The following FIGN variants were observed in gnomAD, a reference collection of about 807,000 sequenced individuals.
The protein encoded by FIGN is fidgetin.
In FIGN, 11 loss-of-function variants were observed where a neutral mutation model predicts 51.3. The ratio of observed to expected loss-of-function variants is 0.21; its 90% confidence interval spans 0.13 to 0.35. The LOEUF (loss-of-function observed/expected upper bound fraction) is 0.35. Ranked by LOEUF, FIGN falls within the 10% of genes least tolerant of loss-of-function variation. FIGN has a pLI of 1.00. For synonymous variants in FIGN, 407 were observed against 363.2 expected, an observed-to-expected ratio of 1.12 and a Z score of -1.37; for missense variants, 857 against 943.6, an observed-to-expected ratio of 0.91 and a Z score of 1.20.
intron 2 of FIGN, among the ~76,000 whole-genome samples, chr2:163,666,628 G>A (rs1454671845): frequency 6.6e-6 from 1 of 152,160 alleles, no homozygotes; most frequent in Non-Finnish European, 1.5e-5. Flanking sequence ...CTCCTTTTAA[G>A]ACCTAGAATT....
At chr2:163,620,425 T>C (rs1465832037) in intron 2 of FIGN, among the ~76,000 whole-genome samples, 3 of 152,162 alleles carry the variant, frequency 2.0e-5, no homozygotes, top group Admixed American at 6.6e-5. Context: ...AACAGAGCAC[T>C]ACCCTTGTTC....
In FIGN at chr2:163,610,354, A is replaced by G. The variant is rs1691213369; in HGVS notation, c.1478T>C (p.Leu493Pro). The G allele has an allele frequency of 1.2e-6, 2 of 1,614,152 alleles. No individual in the cohort carries two copies. Among genetic ancestry groups the G allele is most frequent in the Non-Finnish European group, 1.7e-6 (2 of 1,180,014 alleles). Residue 493 changes from leucine to proline, a missense_variant, in exon 3 of 3, where the codon CTG (leucine) becomes CCG (proline). This residue lies in a region of FIGN where 799 missense variants were observed against 849.5 expected (regional missense o/e 0.94). Coordinates refer to ENST00000333129, the MANE Select transcript of FIGN (RefSeq NM_018086.4). Reference sequence around the variant, plus strand: ...CTCCTCTTTAATGACAGCCTTCACCAGGTCGAGACCAGCAATGTCATTCCA... The same window carrying G: ...CTCCTCTTTAATGACAGCCTTCACCGGGTCGAGACCAGCAATGTCATTCCA... ...VDWNDIAGLD[L>P]VKAVIKEEVL...
At chr2:163,727,317 A>T (rs1684852981) in intron 2 of FIGN, among the ~76,000 whole-genome samples, 1 of 152,030 alleles carries the variant, frequency 6.6e-6, no homozygotes, top group East Asian at 1.9e-4. Flanking sequence ...TAGAACACAG[A>T]ACATTAGAAA....
At chr2:163,625,035 AGAGCTG>A (rs1265917076) in intron 2 of FIGN, among the ~76,000 whole-genome samples, 1 of 152,084 alleles carries the variant, frequency 6.6e-6, no homozygotes, top group Admixed American at 6.6e-5. Context: ...ATCTTCTATT[AGAGCTG>A]GATTATATTC....
chr2:163,680,457 T>C (rs1037405961), intron 2 of FIGN, among the ~76,000 whole-genome samples: 11 of 152,164 alleles, frequency 7.2e-5, no homozygotes, highest in African/African-American at 2.2e-4. Flanking sequence ...CAATTCTCTG[T>C]AGCAGTAGGT....
Position 163,663,082 on chromosome 2 carries a change from A to AT in FIGN, c.26-51277dup, listed in dbSNP as rs201219752. ...TGTTGGCCAGGCTGTTCACTGGCTAATTTTTTTTGGTATTTTTTGGTAGAG... is the reference window on the plus strand; with the variant it reads ...TGTTGGCCAGGCTGTTCACTGGCTAATTTTTTTTTGGTATTTTTTGGTAGAG... On this transcript the variant is annotated intron_variant, in intron 2 of 2. Transcript: ENST00000333129. Among the ~76,000 whole-genome samples the AT allele has an allele frequency of 6.0e-3, 904 of 151,884 alleles. 12 individuals carry two copies. The highest frequency in any genetic ancestry group is 0.02 in the African/African-American group (833 of 41,434).
intron 2 of FIGN, among the ~76,000 whole-genome samples, chr2:163,682,747 C>T (rs983908516): frequency 6.6e-6 from 1 of 152,148 alleles, no homozygotes; most frequent in Non-Finnish European, 1.5e-5. Context: ...AGTGTTCATT[C>T]AACAAATATT....
chr2:163,619,230 G>A (rs927591722), intron 2 of FIGN, among the ~76,000 whole-genome samples: 3 of 152,078 alleles, frequency 2.0e-5, no homozygotes, highest in African/African-American at 4.8e-5. Context: ...TTGAATACAC[G>A]AGCATTAGTA....
chr2:163,620,613 T>C (rs1284730400), intron 2 of FIGN, among the ~76,000 whole-genome samples: 2 of 152,166 alleles, frequency 1.3e-5, no homozygotes, highest in East Asian at 3.9e-4. Context: ...GTGTTTTGAA[T>C]CTTTATTTTT....
chr2:163,617,161 G>T (rs1682892118), intron 2 of FIGN: 1 of 984,938 alleles, frequency 1.0e-6, no homozygotes. Context: ...ATCATTCTTG[G>T]CTTTAAAATA....
Position 163,610,787 on chromosome 2 carries a change from A to G in FIGN, c.1045T>C (p.Tyr349His), listed in dbSNP as rs1221635526. The change falls in exon 3 of 3, where the codon TAC (tyrosine) becomes CAC (histidine). Residue 349 changes from tyrosine (Y) to histidine (H), a missense_variant. Transcript: ENST00000333129. ...GAAATGCTGTTGTCGGGCATTCTGT[A>G]CATAGGACTCTGTGTAGATCTCTGT... ...GQQRSTQSPM[Y>H]RMPDNSISNT... 2.5e-6 allele frequency: 4 copies of G among 1,614,028 alleles called. No individual in the cohort carries two copies. Among genetic ancestry groups the G allele is most frequent in the Non-Finnish European group, 3.4e-6 (4 of 1,180,032 alleles).
chr2:163,635,978 T>C lies in FIGN; in HGVS notation c.26-24172A>G, dbSNP rs534878209. ...GATGGATAGCCATAAAGATAGTTTA[T>C]TTTTGTTTCACCATTTTTGAGAAGA... On this transcript the variant is annotated intron_variant, in intron 2 of 2. Coordinates refer to ENST00000333129, the MANE Select transcript of FIGN (RefSeq NM_018086.4). Among the ~76,000 whole-genome samples the C allele has an allele frequency of 2.6e-5, 4 of 152,228 alleles. No individual in the cohort carries two copies. The South Asian group carries it at 8.3e-4, about 31-fold the overall frequency.
intron 2 of FIGN, among the ~76,000 whole-genome samples, chr2:163,670,999 A>C (rs1276717254): frequency 1.3e-5 from 2 of 152,166 alleles, no homozygotes; most frequent in Non-Finnish European, 2.9e-5. Context: ...TATTTAACCA[A>C]CCATAGCATC....
At chr2:163,643,630 G>A (rs1486897505) in intron 2 of FIGN, among the ~76,000 whole-genome samples, 6 of 147,130 alleles carry the variant, frequency 4.1e-5, no homozygotes, top group Non-Finnish European at 5.9e-5. Context: ...TAGCCTGGGC[G>A]ACAGAGCTAG....
chr2:163,704,371 G>A (rs1684457718), intron 2 of FIGN, among the ~76,000 whole-genome samples: 1 of 152,050 alleles, frequency 6.6e-6, no homozygotes, highest in Admixed American at 6.6e-5. Context: ...CTGTGGTGAT[G>A]ATGACACGTC....
intron 2 of FIGN, among the ~76,000 whole-genome samples, chr2:163,722,817 T>C (rs1284323280): frequency 6.6e-6 from 1 of 152,036 alleles, no homozygotes; most frequent in African/African-American, 2.4e-5. Context: ...AATTTTTTAA[T>C]GAAATATACA....
At chr2:163,640,849 A>G (rs1683295337) in intron 2 of FIGN, among the ~76,000 whole-genome samples, 1 of 152,208 alleles carries the variant, frequency 6.6e-6, no homozygotes, top group Non-Finnish European at 1.5e-5. Context: ...ACTGGTACCT[A>G]TGAATCCTGG....
At chr2:163,701,033 A>G (rs1684400426) in intron 2 of FIGN, among the ~76,000 whole-genome samples, 1 of 152,168 alleles carries the variant, frequency 6.6e-6, no homozygotes, top group Non-Finnish European at 1.5e-5. Flanking sequence ...CTAAGGAAAT[A>G]TATCTCTATA....
chr2:163,688,756 G>A (rs1224138435), intron 2 of FIGN, among the ~76,000 whole-genome samples: 2 of 152,126 alleles, frequency 1.3e-5, no homozygotes, highest in Non-Finnish European at 2.9e-5. Flanking sequence ...AACAACTCTG[G>A]ATTCCTCTTT....
Sources: gnomAD v4.1 joint callset for allele counts (sites outside exome capture counted in the v4.1 genomes callset) on GRCh38, gnomAD v4.1.1 for gene constraint, gnomAD v4.1.1 regional missense constraint, MANE v1.5 for transcripts, NCBI Gene and HGNC (gene_info 2026-07-23, HGNC 2026-07-21) for gene names.